The following ACACB variants were observed in gnomAD, a reference collection of about 807,000 sequenced individuals.
ACACB encodes the protein acetyl-CoA carboxylase beta, also known as acetyl-CoA carboxylase 2.
ACACB carries 209 observed loss-of-function variants against 278.8 expected under a neutral mutation model. The ratio of observed to expected loss-of-function variants is 0.75; its 90% CI spans 0.67 to 0.84. The LOEUF is 0.84. Ranked by LOEUF, ACACB falls within the 40% of genes least tolerant of loss-of-function variation. The pLI is 0.00. For missense variants in ACACB, 2,850 were observed against 3,269.0 expected, an observed-to-expected ratio of 0.87 and a Z score of 3.13; for synonymous variants, 1,174 against 1,285.6, an observed-to-expected ratio of 0.91 and a Z score of 1.86.
chr12:109,171,778 TTCCTTC>T, intron 4 of ACACB, 21 bp from the exon 5 acceptor site: 1 of 1,572,458 alleles, frequency 6.4e-7, no homozygotes, highest in Non-Finnish European at 8.8e-7. Flanking sequence ...CAGCAGTTCC[TTCCTTC>T]TCCCTCCCAT....
At chr12:109,199,306 C>T in intron 17 of ACACB, 96 bp from the exon 18 acceptor site, 1 of 1,127,718 alleles carries the variant, frequency 8.9e-7, no homozygotes, top group Non-Finnish European at 1.2e-6. Context: ...GTACACTCCC[C>T]CTTTAGGAAG....
At chr12:109,193,612 T>C in intron 15 of ACACB, 36 bp from the exon 16 acceptor site, 1 of 1,558,578 alleles carries the variant, frequency 6.4e-7, no homozygotes, top group Non-Finnish European at 8.9e-7. Flanking sequence ...TCTCAGTCCC[T>C]CCCAAGGCTG....
At chr12:109,164,717 A>ATTTTTTT (rs36026617) in intron 2 of ACACB, among the ~76,000 whole-genome samples, 1 of 134,106 alleles carries the variant, frequency 7.5e-6, no homozygotes. Context: ...GCTAATTTAA[A>ATTTTTTT]TTTTTTTTTT....
rs1593655124 is a variant in ACACB, at chr12:109,233,762, T to C, written c.4154T>C (p.Val1385Ala). Reference sequence around the variant, plus strand: ...CGCACCCCCAGAAATTTTGATGAAGTCATCTCTTGCTTCGCCAACGTGCCC... The same window carrying C: ...CGCACCCCCAGAAATTTTGATGAAGCCATCTCTTGCTTCGCCAACGTGCCC... ...FEDFTRNFDE[V>A]ISCFANVPKD... Residue 1385 changes from valine (V) to alanine (A), a missense_variant, in exon 30 of 53, where the codon GTC becomes GCC. Val to Ala is a moderately conservative substitution (Grantham distance 64). This residue lies in a region of ACACB where 2,265 missense variants were observed against 2,561.3 expected (regional missense o/e 0.88). Coordinates refer to ENST00000338432, the MANE Select transcript of ACACB (RefSeq NM_001093.4). 1 of 1,614,054 alleles carries C rather than the reference T, an allele frequency of 6.2e-7. No individual in the cohort carries two copies. Among genetic ancestry groups the C allele is most frequent in the African/African-American group, 1.3e-5 (1 of 74,986 alleles).
intron 16 of ACACB, among the ~76,000 whole-genome samples, chr12:109,196,728 C>T (rs1011468325): frequency 6.6e-6 from 1 of 152,144 alleles, no homozygotes; most frequent in African/African-American, 2.4e-5. Flanking sequence ...AGTCTCTAGC[C>T]CCAGAGGACA....
At chr12:109,156,157 G>A (rs932716945) in intron 2 of ACACB, among the ~76,000 whole-genome samples, 25 of 152,280 alleles carry the variant, frequency 1.6e-4, no homozygotes, top group African/African-American at 5.8e-4. Flanking sequence ...CCAGGAGTTG[G>A]AGGCTGCAGT....
At position 109,235,561 on chromosome 12, in the gene ACACB, G is replaced by A. The variant is rs150980367; in HGVS notation, c.4405-45G>A. The stretch of plus-strand genomic sequence containing the variant: ...AATAAGGATGTACATATTTCAGTGC[G>A]TCTTGCTTGATTTAATTGTCTTGTG... On this transcript the variant is annotated intron_variant, in intron 32 of 52. Transcript: ENST00000338432. The A allele has an allele frequency of 9.0e-5, 141 of 1,567,728 alleles. No homozygotes were observed. The Middle Eastern group carries it at 1.7e-3, about 19-fold the overall frequency.
intron 40 of ACACB, chr12:109,249,133 G>A (rs2047028312): frequency 6.6e-6 from 1 of 152,184 alleles, no homozygotes; most frequent in Non-Finnish European, 1.5e-5. Flanking sequence ...AACCGTCTGT[G>A]GCGTGTACCT....
chr12:109,181,239 T>C (rs991850990), intron 11 of ACACB, among the ~76,000 whole-genome samples: 2 of 150,194 alleles, frequency 1.3e-5, no homozygotes, highest in East Asian at 1.9e-4. Flanking sequence ...CTTTTTTTTT[T>C]TTTTTTGAGA....
chr12:109,263,909 A>G (rs993478098), intron 49 of ACACB: 29 of 240,284 alleles, frequency 1.2e-4, no homozygotes, highest in African/African-American at 6.0e-4. Context: ...GGAAGGGGAA[A>G]ATGTAGAGTT....
chr12:109,229,164 A>T (rs2046400245), intron 28 of ACACB, among the ~76,000 whole-genome samples: 1 of 152,138 alleles, frequency 6.6e-6, no homozygotes, highest in South Asian at 2.1e-4. Flanking sequence ...GCTGATCTTG[A>T]ATGCCTGACC....
chr12:109,260,021 G>T, intron 47 of ACACB: 1 of 1,291,542 alleles, frequency 7.7e-7, no homozygotes, highest in Non-Finnish European at 1.0e-6. Context: ...GACATGCAGT[G>T]TGATTGTCAG....
At chr12:109,210,545 ATG>A (rs1226439775) in intron 21 of ACACB, among the ~76,000 whole-genome samples, 10 of 148,830 alleles carry the variant, frequency 6.7e-5, no homozygotes, top group Admixed American at 2.0e-4. Context: ...ATATACGTGC[ATG>A]TATATATACA....
At chr12:109,169,654 A>G (rs985967418) in intron 4 of ACACB, among the ~76,000 whole-genome samples, 2 of 152,158 alleles carry the variant, frequency 1.3e-5, no homozygotes, top group Admixed American at 6.5e-5. Context: ...CCCTTTGTGC[A>G]GTGGACTCCC....
intron 26 of ACACB, among the ~76,000 whole-genome samples, chr12:109,223,581 C>T (rs1254848577): frequency 6.6e-6 from 1 of 152,080 alleles, no homozygotes; most frequent in Non-Finnish European, 1.5e-5. Flanking sequence ...ACATGTGAGA[C>T]CCTGTCTCTA....
At chr12:109,179,544 T>C (rs972216301) in intron 10 of ACACB, among the ~76,000 whole-genome samples, 2 of 152,170 alleles carry the variant, frequency 1.3e-5, no homozygotes, top group East Asian at 1.9e-4. Flanking sequence ...TGGAGTGCAG[T>C]GGTGCGATGA....
chr12:109,238,243 T>C (rs2136646867), intron 34 of ACACB, among the ~76,000 whole-genome samples: 1 of 150,488 alleles, frequency 6.6e-6, no homozygotes, highest in South Asian at 2.1e-4. Flanking sequence ...CATTTGAATA[T>C]ATTATTCTTT....
In ACACB at chr12:109,210,309, A is replaced by G. The variant is rs1251386380; in HGVS notation, c.3249+956A>G. ...TATCTGTGTGTATATGTATATATAC[A>G]CACACATATCTGTGTATATATGTAT... On this transcript the variant is annotated intron_variant, in intron 21 of 52. Transcript: ENST00000338432. Among the ~76,000 whole-genome samples, 8 of 63,478 alleles carry G rather than the reference A, an allele frequency of 1.3e-4. No individual in the cohort carries two copies. The South Asian group carries it at 2.0e-3, about 16-fold the overall frequency. 41.6% of individuals were successfully genotyped at this position (63,478 alleles called of 152,430 possible). A position where few individuals can be genotyped will look rare whatever the true frequency, so the allele number is the denominator to read the frequency against.
intron 19 of ACACB, among the ~76,000 whole-genome samples, chr12:109,202,996 G>A (rs1010677681): frequency 1.3e-5 from 2 of 152,106 alleles, no homozygotes; most frequent in South Asian, 2.1e-4. Context: ...CTTGACACTC[G>A]TTAAATGGTA....
Sources: gnomAD v4.1 joint callset for allele counts (sites outside exome capture counted in the v4.1 genomes callset) on GRCh38, gnomAD v4.1.1 for gene constraint, gnomAD v4.1.1 regional missense constraint, MANE v1.5 for transcripts, NCBI Gene and HGNC (gene_info 2026-07-23, HGNC 2026-07-21) for gene names.